LRP1B: variants seen among roughly 807,000 people sequenced by gnomAD.
LRP1B encodes low-density lipoprotein receptor-related protein 1B.
LRP1B carries 217 observed loss-of-function variants against 556.6 expected under a neutral mutation model. The observed-to-expected ratio is 0.39, with a 90% CI of 0.35 to 0.44. The LOEUF (loss-of-function observed/expected upper bound fraction) is 0.44, where lower values mean the gene tolerates loss of function less well. Ranked by LOEUF, LRP1B falls within the 20% of genes least tolerant of loss-of-function variation. LRP1B has a pLI of 1.00. For synonymous variants in LRP1B, 2,047 were observed against 1,865.8 expected, an observed-to-expected ratio of 1.10 and a Z score of -2.50; for missense variants, 5,053 against 5,620.8, an observed-to-expected ratio of 0.90 and a Z score of 3.23.
At chr2:141,677,608 GCCTC>G (rs778964564) in intron 2 of LRP1B, among the ~76,000 whole-genome samples, 1 of 152,072 alleles carries the variant, frequency 6.6e-6, no homozygotes, top group Non-Finnish European at 1.5e-5. Context: ...TCCTGCCTCA[GCCTC>G]CCTAGTAGCT....
At chr2:140,435,809 C>T (rs1686152624) in intron 66 of LRP1B, among the ~76,000 whole-genome samples, 1 of 152,120 alleles carries the variant, frequency 6.6e-6, no homozygotes, top group African/African-American at 2.4e-5. Context: ...TATTTAGTGA[C>T]TCCCATGTAG....
At chr2:140,244,398 T>C (rs10196897) in intron 87 of LRP1B, among the ~76,000 whole-genome samples, 114 of 151,442 alleles carry the variant, frequency 7.5e-4, no homozygotes, top group African/African-American at 2.7e-3. Context: ...ATGCTGAGTA[T>C]ATTTTTGTCT....
chr2:141,895,616 G>C (rs1699429100), intron 1 of LRP1B, among the ~76,000 whole-genome samples: 1 of 152,098 alleles, frequency 6.6e-6, no homozygotes, highest in Non-Finnish European at 1.5e-5. Flanking sequence ...CCACCCATGA[G>C]ACTTGGTTAT....
intron 7 of LRP1B, among the ~76,000 whole-genome samples, chr2:141,147,469 C>T (rs571116522): frequency 2.6e-5 from 4 of 152,186 alleles, no homozygotes; most frequent in South Asian, 2.1e-4. Flanking sequence ...CACAGTTTTA[C>T]GTATTAAAAT....
intron 1 of LRP1B, among the ~76,000 whole-genome samples, chr2:142,093,732 T>C (rs1160938694): frequency 6.6e-6 from 1 of 151,854 alleles, no homozygotes; most frequent in Admixed American, 6.6e-5. Context: ...ATAAAGATCT[T>C]GAGGAGTTTA....
rs148590610 is a variant in LRP1B, at chr2:140,687,045, C to T, written c.6799+13205G>A. 9.1e-4 allele frequency among the ~76,000 whole-genome samples: 138 copies of T among 152,074 alleles called. 1 individual carries two copies. Among genetic ancestry groups the T allele is most frequent in the African/African-American group, 3.0e-3 (126 of 41,478 alleles). On this transcript the variant is annotated intron_variant, in intron 41 of 90. Coordinates refer to ENST00000389484, the MANE Select transcript of LRP1B (RefSeq NM_018557.3). The stretch of plus-strand genomic sequence containing the variant: ...AGACTAACTGATATGATAGAGTAGG[C>T]CAGATGTGATGTAAACAGATTTTGC...
chr2:141,257,242 G>A (rs745635902), intron 3 of LRP1B, among the ~76,000 whole-genome samples: 2 of 152,134 alleles, frequency 1.3e-5, no homozygotes, highest in Non-Finnish European at 2.9e-5. Context: ...GAAAGAGGAA[G>A]CAGGAAAGGT....
chr2:141,889,720 C>G (rs910315675), intron 1 of LRP1B, among the ~76,000 whole-genome samples: 1 of 152,060 alleles, frequency 6.6e-6, no homozygotes, highest in Admixed American at 6.6e-5. Flanking sequence ...GTAAAGAAGG[C>G]ATGCCAAACT....
At chr2:141,837,337 A>G (rs1697319592) in intron 1 of LRP1B, among the ~76,000 whole-genome samples, 1 of 151,996 alleles carries the variant, frequency 6.6e-6, no homozygotes, top group African/African-American at 2.4e-5. Context: ...TCTGAATGTC[A>G]CTTTTTTAAC....
chr2:141,363,510 A>C (rs1292163268), intron 3 of LRP1B, among the ~76,000 whole-genome samples: 1 of 152,134 alleles, frequency 6.6e-6, no homozygotes, highest in African/African-American at 2.4e-5. Context: ...ACTAACCTAG[A>C]TCTACCATGT....
intron 1 of LRP1B, among the ~76,000 whole-genome samples, chr2:142,058,363 C>T (rs1704757203): frequency 6.6e-6 from 1 of 152,138 alleles, no homozygotes; most frequent in South Asian, 2.1e-4. Flanking sequence ...CTGCCCTGTT[C>T]TTGCCTCCAC....
intron 3 of LRP1B, among the ~76,000 whole-genome samples, chr2:141,417,730 A>G (rs1279028259): frequency 6.6e-6 from 1 of 150,602 alleles, no homozygotes; most frequent in Non-Finnish European, 1.5e-5. Flanking sequence ...GTACCCAAAG[A>G]AGTATTGCTG....
chr2:141,957,350 G>A (rs953181865), intron 1 of LRP1B, among the ~76,000 whole-genome samples: 8 of 126,792 alleles, frequency 6.3e-5, no homozygotes, highest in Non-Finnish European at 9.6e-5. Context: ...AAACAGATTA[G>A]CAAATAGTCT....
intron 3 of LRP1B, among the ~76,000 whole-genome samples, chr2:141,391,349 C>T (rs1355276392): frequency 6.6e-6 from 1 of 151,998 alleles, no homozygotes; most frequent in African/African-American, 2.4e-5. Context: ...AGAAGTAATA[C>T]GTAACCGGAG....
At chr2:141,266,091 G>A (rs1047402870) in intron 3 of LRP1B, among the ~76,000 whole-genome samples, 32 of 152,068 alleles carry the variant, frequency 2.1e-4, no homozygotes, top group African/African-American at 6.8e-4. Flanking sequence ...TTGGGAGGCC[G>A]AGGCAGGCAG....
At chr2:141,235,142 T>C (rs1683604670) in intron 5 of LRP1B, among the ~76,000 whole-genome samples, 1 of 152,128 alleles carries the variant, frequency 6.6e-6, no homozygotes. Context: ...AAAACTGTAT[T>C]GGACTGAGCA....
chr2:141,209,214 G>A (rs1241034070), intron 6 of LRP1B, among the ~76,000 whole-genome samples: 1 of 152,160 alleles, frequency 6.6e-6, no homozygotes, highest in Non-Finnish European at 1.5e-5. Flanking sequence ...CCCACCCGTC[G>A]TGGGAGGGAC....
chr2:140,772,596 A>G (rs1274054088), intron 33 of LRP1B, among the ~76,000 whole-genome samples: 2 of 152,138 alleles, frequency 1.3e-5, no homozygotes, highest in African/African-American at 4.8e-5. Context: ...AGGATGAGTC[A>G]CTGCCCCCAG....
intron 37 of LRP1B, among the ~76,000 whole-genome samples, chr2:140,714,748 A>T (rs1277582582): frequency 6.6e-6 from 1 of 152,132 alleles, no homozygotes; most frequent in Non-Finnish European, 1.5e-5. Flanking sequence ...TTAAGGCTAT[A>T]ATAATTTATT....
Sources: allele counts gnomAD v4.1 joint callset (sites outside exome capture counted in the v4.1 genomes callset), GRCh38; gene constraint gnomAD v4.1.1; transcripts MANE v1.5; gene names NCBI Gene and HGNC (gene_info 2026-07-23, HGNC 2026-07-21).